Variants in LRRC1 observed in about 807,000 individuals in gnomAD.
The protein encoded by LRRC1 is leucine-rich repeat-containing protein 1.
In LRRC1, 28 loss-of-function variants were observed where a neutral mutation model predicts 69.9. The observed-to-expected ratio is 0.40, with a 90% CI of 0.30 to 0.55. The LOEUF (loss-of-function observed/expected upper bound fraction) is 0.55, where lower values mean the gene tolerates loss of function less well. Among genes scored for constraint, LRRC1 ranks in the 20% least tolerant of loss-of-function variants. LRRC1 has a pLI of 0.47. For synonymous variants in LRRC1, 236 were observed against 240.2 expected (o/e 0.98, Z 0.16); for missense variants, 498 against 609.0 (o/e 0.82, Z 1.92).
chr6:53,847,422 G>A (rs1439563883), intron 2 of LRRC1, among the ~76,000 whole-genome samples: 1 of 152,176 alleles, frequency 6.6e-6, no homozygotes, highest in African/African-American at 2.4e-5. Context: ...TTAGCATAAT[G>A]TGCCAAAGAG....
intron 1 of LRRC1, among the ~76,000 whole-genome samples, chr6:53,836,319 G>A (rs1412273023): frequency 6.6e-6 from 1 of 152,182 alleles, no homozygotes; most frequent in Non-Finnish European, 1.5e-5. Flanking sequence ...CACCAAATTT[G>A]GGATGGTTTG....
Position 53,795,234 on chromosome 6 carries a change from G to T in LRRC1, c.-23G>T, listed in dbSNP as rs1444768501. On this transcript the variant is annotated 5_prime_UTR_variant, in exon 1 of 14. Transcript: ENST00000370888. ...CCGGGTCTCCGCCGCTCGGGACCCGGCTAGGCGGCGGCGGGGGCGGCGATG... is the reference window on the plus strand; with the variant it reads ...CCGGGTCTCCGCCGCTCGGGACCCGTCTAGGCGGCGGCGGGGGCGGCGATG... The T allele has an allele frequency of 2.5e-6, 4 of 1,585,754 alleles. No homozygotes were observed. Among genetic ancestry groups the T allele is most frequent in the Middle Eastern group, 3.8e-4 (2 of 5,196 alleles).
chr6:53,850,014 A>C (rs1253380862), intron 2 of LRRC1, among the ~76,000 whole-genome samples: 2 of 151,740 alleles, frequency 1.3e-5, no homozygotes, highest in Non-Finnish European at 2.9e-5. Flanking sequence ...AAACTCTGGC[A>C]CTTTAAAAAA....
intron 1 of LRRC1, among the ~76,000 whole-genome samples, chr6:53,814,766 T>C (rs1238590354): frequency 6.6e-6 from 1 of 152,224 alleles, no homozygotes; most frequent in Non-Finnish European, 1.5e-5. Flanking sequence ...GCAATTTCTA[T>C]TGGCCTTTGA....
At chr6:53,900,040 T>A in intron 8 of LRRC1, 149 bp downstream of exon 8, 1 of 694,148 alleles carries the variant, frequency 1.4e-6, no homozygotes, top group Non-Finnish European at 2.2e-6. Flanking sequence ...TTTTTTTTTT[T>A]TTTTTTTTTT....
chr6:53,795,895 C>T (rs1175370937), intron 1 of LRRC1, among the ~76,000 whole-genome samples: 4 of 152,244 alleles, frequency 2.6e-5, no homozygotes, highest in Non-Finnish European at 5.9e-5. Flanking sequence ...AGCGCTCAAG[C>T]GGGCCGCACT....
chr6:53,921,225 C>T (rs1768731026), intron 13 of LRRC1, among the ~76,000 whole-genome samples: 1 of 152,208 alleles, frequency 6.6e-6, no homozygotes, highest in African/African-American at 2.4e-5. Context: ...GCCTCAGCCT[C>T]CCAAAGTGCT....
intron 1 of LRRC1, among the ~76,000 whole-genome samples, chr6:53,795,642 T>C (rs1764275801): frequency 6.6e-6 from 1 of 152,216 alleles, no homozygotes; most frequent in South Asian, 2.1e-4. Context: ...GCGTAGTCAC[T>C]GGGGCTCGTG....
intron 10 of LRRC1, among the ~76,000 whole-genome samples, chr6:53,906,369 A>G (rs754080777): frequency 5.9e-5 from 9 of 152,220 alleles, no homozygotes; most frequent in Non-Finnish European, 1.3e-4. Flanking sequence ...AAGTATCTTT[A>G]GTTTGGACAC....
At chr6:53,840,927 T>TGTGTGTGCGC (rs578018808) in intron 1 of LRRC1, among the ~76,000 whole-genome samples, 117 of 132,596 alleles carry the variant, frequency 8.8e-4, no homozygotes, top group Non-Finnish European at 1.3e-3. Context: ...TGTGTGTGTG[T>TGTGTGTGCGC]GCGTGCGCGC....
intron 11 of LRRC1, among the ~76,000 whole-genome samples, chr6:53,916,026 ACTTT>A (rs1229068941): frequency 6.6e-6 from 1 of 152,186 alleles, no homozygotes; most frequent in Non-Finnish European, 1.5e-5. Flanking sequence ...GTTTCTAGAA[ACTTT>A]CTTTGCAGTT....
chr6:53,903,589 C>A (rs1251438250), intron 9 of LRRC1, among the ~76,000 whole-genome samples: 1 of 142,792 alleles, frequency 7.0e-6, no homozygotes, highest in African/African-American at 2.5e-5. Context: ...TTTTCCTTTT[C>A]CCTTTTCTCC....
chr6:53,873,255 T>A (rs1766953881), intron 2 of LRRC1, among the ~76,000 whole-genome samples: 5 of 151,800 alleles, frequency 3.3e-5, no homozygotes, highest in Admixed American at 3.3e-4. Context: ...TTTAGGTAGT[T>A]CACCATTGGT....
chr6:53,809,629 A>G (rs896729594), intron 1 of LRRC1, among the ~76,000 whole-genome samples: 1 of 152,228 alleles, frequency 6.6e-6, no homozygotes, highest in Non-Finnish European at 1.5e-5. Flanking sequence ...GTTTTTAAAA[A>G]GTTTATATAT....
At chr6:53,812,472 C>T (rs1016792249) in intron 1 of LRRC1, among the ~76,000 whole-genome samples, 11 of 151,846 alleles carry the variant, frequency 7.2e-5, no homozygotes, top group Non-Finnish European at 1.3e-4. Context: ...GGGCGGATCA[C>T]GAGGTCAGGA....
intron 4 of LRRC1, among the ~76,000 whole-genome samples, chr6:53,890,627 A>G (rs1013712918): frequency 3.3e-5 from 5 of 152,218 alleles, no homozygotes; most frequent in African/African-American, 7.2e-5. Flanking sequence ...GGGAATTACT[A>G]TAAAATATTT....
intron 2 of LRRC1, among the ~76,000 whole-genome samples, chr6:53,856,588 A>T (rs1004243846): frequency 1.3e-5 from 2 of 152,320 alleles, no homozygotes; most frequent in African/African-American, 4.8e-5. Context: ...TGTGTGTCTG[A>T]AGGTTTGAAA....
chr6:53,913,596 A>T (rs1422704011), intron 10 of LRRC1, among the ~76,000 whole-genome samples: 1 of 152,196 alleles, frequency 6.6e-6, no homozygotes, highest in African/African-American at 2.4e-5. Flanking sequence ...TTAGAATAAA[A>T]TTTTTTAACT....
At chr6:53,919,229 C>CTCTCT (rs1467923075) in intron 11 of LRRC1, 9 of 72,266 alleles carry the variant, frequency 1.2e-4, no homozygotes, top group Admixed American at 4.3e-4. Flanking sequence ...TTTTCTCTCT[C>CTCTCT]TTTTTTTTTT....
Sources: allele counts gnomAD v4.1 joint callset (sites outside exome capture counted in the v4.1 genomes callset), GRCh38; gene constraint gnomAD v4.1.1; transcripts MANE v1.5; gene names NCBI Gene and HGNC (gene_info 2026-07-23, HGNC 2026-07-21).